The following ANKRD28 variants were observed in gnomAD, a reference collection of about 807,000 sequenced individuals.
ANKRD28 encodes serine/threonine-protein phosphatase 6 regulatory ankyrin repeat subunit A.
Under a neutral mutation model 126.5 loss-of-function variants are expected in ANKRD28, and 44 were observed. That is an observed-to-expected ratio of 0.35 (90% CI 0.27 to 0.45). The LOEUF (loss-of-function observed/expected upper bound fraction) is 0.45. Among genes scored for constraint, ANKRD28 ranks in the 20% least tolerant of loss-of-function variants. The probability of loss-of-function intolerance (pLI) is 1.00; values close to 1 mark genes in which losing one functional copy is unlikely to be tolerated. For synonymous variants in ANKRD28, 442 were observed against 468.5 expected (o/e 0.94, Z 0.73); for missense variants, 1,110 against 1,316.6 (o/e 0.84, Z 2.43).
intron 6 of ANKRD28, among the ~76,000 whole-genome samples, chr3:15,725,984 A>C (rs1197579946): frequency 6.6e-6 from 1 of 152,202 alleles, no homozygotes; most frequent in Non-Finnish European, 1.5e-5. Context: ...TGGAGGTTGC[A>C]GTGAGCCAAA....
chr3:15,674,194 A>AAAAAAAAAAAAAAAAAAAC (rs2066685326), intron 27 of ANKRD28, among the ~76,000 whole-genome samples: 1 of 150,556 alleles, frequency 6.6e-6, no homozygotes, highest in Non-Finnish European at 1.5e-5. Flanking sequence ...AAAAAAAAAA[A>AAAAAAAAAAAAAAAAAAAC]AAAAGAAGAA....
chr3:15,789,743 A>G (rs1000133553), intron 2 of ANKRD28, among the ~76,000 whole-genome samples: 5 of 152,072 alleles, frequency 3.3e-5, no homozygotes, highest in African/African-American at 1.2e-4. Context: ...ACTATGTTAC[A>G]TGACTTCTAG....
intron 1 of ANKRD28, among the ~76,000 whole-genome samples, chr3:15,804,373 T>A (rs2060532424): frequency 6.9e-6 from 1 of 145,430 alleles, no homozygotes; most frequent in African/African-American, 2.6e-5. Context: ...TCTAAAAAAA[T>A]GGATATTTTA....
chr3:15,747,261 C>T (rs2057538816), intron 4 of ANKRD28, among the ~76,000 whole-genome samples: 1 of 148,754 alleles, frequency 6.7e-6, no homozygotes, highest in Admixed American at 6.8e-5. Context: ...GTTCTTGTTT[C>T]TCCAGTTCTG....
chr3:15,779,546 TTAAGA>T (rs1328892194), intron 2 of ANKRD28, among the ~76,000 whole-genome samples: 24 of 152,202 alleles, frequency 1.6e-4, no homozygotes, highest in African/African-American at 5.5e-4. Flanking sequence ...GAAAACTGCG[TTAAGA>T]TATCTTTGAG....
At chr3:15,766,361 TTTAATAA>T (rs764973051) in intron 2 of ANKRD28, 49 bp from the exon 3 acceptor site, 26 of 1,373,152 alleles carry the variant, frequency 1.9e-5, no homozygotes, top group Non-Finnish European at 2.6e-5. Context: ...TAAGATTAAT[TTTAATAA>T]TAGTTTTAAT....
intron 8 of ANKRD28, among the ~76,000 whole-genome samples, chr3:15,716,351 G>A (rs759927798): frequency 1.3e-5 from 2 of 151,166 alleles, no homozygotes; most frequent in African/African-American, 4.9e-5. Flanking sequence ...GAATGCAGTG[G>A]TGTAATCATA....
intron 1 of ANKRD28, among the ~76,000 whole-genome samples, chr3:15,836,240 T>C: frequency 6.6e-6 from 1 of 152,202 alleles, no homozygotes; most frequent in East Asian, 1.9e-4. Flanking sequence ...GTTTATTACA[T>C]AAATTAACAT....
chr3:15,790,299 G>GTAT (rs1277080764), intron 2 of ANKRD28, among the ~76,000 whole-genome samples: 1 of 151,978 alleles, frequency 6.6e-6, no homozygotes, highest in African/African-American at 2.4e-5. Flanking sequence ...TTCAAGGCCA[G>GTAT]TATTACCCTG....
upstream of ANKRD28, among the ~76,000 whole-genome samples, chr3:15,802,860 T>C (rs2060491742): frequency 6.6e-6 from 1 of 152,188 alleles, no homozygotes; most frequent in South Asian, 2.1e-4. Context: ...TATGTGCCAG[T>C]CTTTCTGCCA....
intron 26 of ANKRD28, 113 bp from the exon 27 acceptor site, chr3:15,676,102 A>C (rs1304399521): frequency 1.3e-6 from 1 of 748,626 alleles, no homozygotes. Context: ...AAGAGGTACA[A>C]ACTCGAGAAA....
chr3:15,849,709 A>G (rs79406953), intron 1 of ANKRD28, among the ~76,000 whole-genome samples: 2,896 of 152,168 alleles, frequency 0.019, 62 homozygotes, highest in Admixed American at 0.073. Flanking sequence ...TCTCCTAGTT[A>G]ACTCCCCTAG....
Position 15,795,320 on chromosome 3 carries a change from G to GAGTAATAA in ANKRD28, c.118-22_118-15dup. 1.3e-6 allele frequency: 2 copies of GAGTAATAA among 1,573,514 alleles called. No individual in the cohort carries two copies. The highest frequency in any genetic ancestry group is 1.7e-6 in the Non-Finnish European group (2 of 1,143,590). ...CACCAGTGATGGCTAAAATAGAAGA[G>GAGTAATAA]AGTAATAAAAACATTAGAATCATCC... is the stretch of plus-strand genomic sequence containing the variant. On this transcript the variant is annotated splice_polypyrimidine_tract_variant and intron_variant, in intron 1 of 27. Coordinates refer to ENST00000683139, the MANE Select transcript of ANKRD28 (RefSeq NM_001349278.2).
chr3:15,686,982 C>T (rs1827543), intron 18 of ANKRD28, among the ~76,000 whole-genome samples: 1,721 of 149,472 alleles, frequency 0.012, 101 homozygotes, highest in Admixed American at 0.087. Flanking sequence ...CTCGCTCTGT[C>T]GCCCAGGCTG....
Position 15,694,810 on chromosome 3 carries a change from T to C in ANKRD28, c.1690A>G (p.Met564Val). The change falls in exon 17 of 28, where the codon ATG (methionine) becomes GTG (valine). Residue 564 changes from methionine to valine, a missense_variant. Coordinates refer to ENST00000683139, the MANE Select transcript of ANKRD28 (RefSeq NM_001349278.2). ...IASETPLDVL[M>V]ETSGTDMLSD... ...AGCATGTCTGTTCCTGAGGTTTCCATTAACTGAAAAAGAAGAGGCATTTTA... is the reference window on the plus strand; with the variant it reads ...AGCATGTCTGTTCCTGAGGTTTCCACTAACTGAAAAAGAAGAGGCATTTTA... The C allele has an allele frequency of 6.2e-7, 1 of 1,613,334 alleles. No individual in the cohort carries two copies. The highest frequency in any genetic ancestry group is 8.5e-7 in the Non-Finnish European group (1 of 1,179,376).
intron 23 of ANKRD28, 69 bp from the exon 24 acceptor site, chr3:15,678,423 A>C (rs551351650): frequency 7.0e-7 from 1 of 1,427,248 alleles, no homozygotes; most frequent in African/African-American, 1.4e-5. Context: ...AATATTCTTT[A>C]ATTTGTGACA....
At position 15,853,861 on chromosome 3, in the gene ANKRD28, A is replaced by C. The variant is rs796710936; in HGVS notation, c.27+5516T>G. 5.9e-5 allele frequency among the ~76,000 whole-genome samples: 9 copies of C among 152,300 alleles called. No homozygotes were observed. Among genetic ancestry groups the C allele is most frequent in the African/African-American group, 2.2e-4 (9 of 41,566 alleles). ...AATTACCAATTATCATACAAATCCA[A>C]GACACTCTCAATTGTAGATACAAAC... On this transcript the variant is annotated intron_variant, in intron 1 of 27. Coordinates refer to the ANKRD28 transcript ENST00000399451. The surrounding 1 kb of genome is among the most constrained non-coding windows in gnomAD (Gnocchi z 4.2).
Position 15,843,635 on chromosome 3 carries a change from A to G in ANKRD28, c.27+15742T>C, listed in dbSNP as rs2061470047. Among the ~76,000 whole-genome samples, 1 of 152,102 alleles carries G rather than the reference A, an allele frequency of 6.6e-6. No homozygotes were observed. Among genetic ancestry groups the G allele is most frequent in the Non-Finnish European group, 1.5e-5 (1 of 68,018 alleles). ...AGAAATTAAAGTGTAGAAATAAAAC[A>G]ATTTACAATAAGGAAAGGTATCAAT... On this transcript the variant is annotated intron_variant, in intron 1 of 27. Transcript: ENST00000399451. This position sits in a 1 kb window ranked among gnomAD's most constrained non-coding sequence, Gnocchi z 5.2.
intron 2 of ANKRD28, 126 bp from the exon 3 acceptor site, chr3:15,766,438 T>C (rs1163846331): frequency 7.5e-6 from 5 of 663,088 alleles, no homozygotes; most frequent in Non-Finnish European, 1.3e-5. Context: ...TTATTACTTC[T>C]ATAACTCTAG....
Sources: gnomAD v4.1 joint callset for allele counts (sites outside exome capture counted in the v4.1 genomes callset) on GRCh38, gnomAD v4.1.1 for gene constraint, Gnocchi (gnomAD v3.1) non-coding constraint, MANE v1.5 for transcripts, NCBI Gene and HGNC (gene_info 2026-07-23, HGNC 2026-07-21) for gene names.